Variants in PRKG1 observed in about 807,000 individuals in gnomAD.
The protein encoded by PRKG1 is protein kinase cGMP-dependent 1, also known as cGMP-dependent protein kinase 1.
A neutral mutation model predicts 88.1 loss-of-function variants in PRKG1; 35 were observed. The observed-to-expected ratio is 0.40, with a 90% CI of 0.30 to 0.53. The LOEUF (loss-of-function observed/expected upper bound fraction) is 0.53. Among genes scored for constraint, PRKG1 ranks in the 20% least tolerant of loss-of-function variants. PRKG1 has a pLI of 0.59. For missense variants in PRKG1, 540 were observed against 839.8 expected, an observed-to-expected ratio of 0.64 and a Z score of 4.41; for synonymous variants, 303 against 292.5, an observed-to-expected ratio of 1.04 and a Z score of -0.37.
chr10:51,571,570 A>G (rs1466536110), intron 3 of PRKG1, among the ~76,000 whole-genome samples: 1 of 151,910 alleles, frequency 6.6e-6, no homozygotes, highest in African/African-American at 2.4e-5. Flanking sequence ...TAAGAGAAGC[A>G]GGAAGAAGTT....
At chr10:52,122,031 C>T (rs929445905) in intron 7 of PRKG1, among the ~76,000 whole-genome samples, 6 of 152,126 alleles carry the variant, frequency 3.9e-5, no homozygotes, top group Admixed American at 3.3e-4. Context: ...ACAGAATACC[C>T]GAAGTTGGGG....
chr10:51,442,182 G>A (rs1839132958), intron 2 of PRKG1, among the ~76,000 whole-genome samples: 1 of 151,854 alleles, frequency 6.6e-6, no homozygotes, highest in South Asian at 2.1e-4. Context: ...GGAGCACCTT[G>A]TCTAAAATCA....
intron 2 of PRKG1, among the ~76,000 whole-genome samples, chr10:51,246,977 G>C (rs996830355): frequency 6.6e-6 from 1 of 152,004 alleles, no homozygotes. Context: ...CATTTCTGTG[G>C]TCTGGATTTG....
intron 3 of PRKG1, among the ~76,000 whole-genome samples, chr10:51,661,530 T>C (rs893062701): frequency 6.6e-6 from 1 of 152,130 alleles, no homozygotes; most frequent in African/African-American, 2.4e-5. Context: ...CACAATGAGA[T>C]ACCATCTCAC....
At chr10:51,474,151 C>T (rs1226969950) in intron 3 of PRKG1, among the ~76,000 whole-genome samples, 2 of 151,814 alleles carry the variant, frequency 1.3e-5, no homozygotes, top group Non-Finnish European at 2.9e-5. Context: ...TGTTGTTACC[C>T]CCATTTTATT....
chr10:51,032,465 A>C (rs1347987500), intron 1 of PRKG1, among the ~76,000 whole-genome samples: 1 of 152,114 alleles, frequency 6.6e-6, no homozygotes, highest in African/African-American at 2.4e-5. Context: ...TAATATACAA[A>C]TATTATTTTG....
intron 4 of PRKG1, among the ~76,000 whole-genome samples, chr10:51,903,471 C>T (rs1344162989): frequency 6.6e-6 from 1 of 152,058 alleles, no homozygotes; most frequent in African/African-American, 2.4e-5. Flanking sequence ...GCAACTTACT[C>T]TCAAATGTTT....
At chr10:52,293,216 A>T (rs1465356929) in intron 17 of PRKG1, among the ~76,000 whole-genome samples, 1 of 151,610 alleles carries the variant, frequency 6.6e-6, no homozygotes, top group South Asian at 2.1e-4. Flanking sequence ...GATGTGAAGG[A>T]CCTCTTCAAG....
intron 2 of PRKG1, among the ~76,000 whole-genome samples, chr10:51,394,812 C>A (rs1837533274): frequency 6.6e-6 from 1 of 152,178 alleles, no homozygotes; most frequent in Non-Finnish European, 1.5e-5. Flanking sequence ...GGGTATCAAT[C>A]AAGGGCTCAA....
intron 4 of PRKG1, among the ~76,000 whole-genome samples, chr10:51,862,019 A>G (rs1348039885): frequency 2.0e-5 from 3 of 152,156 alleles, no homozygotes; most frequent in Non-Finnish European, 4.4e-5. Flanking sequence ...GGTGGCACCC[A>G]CAAACTACCA....
intron 9 of PRKG1, among the ~76,000 whole-genome samples, chr10:52,214,467 TA>T (rs1840060432): frequency 6.6e-6 from 1 of 152,146 alleles, no homozygotes; most frequent in African/African-American, 2.4e-5. Context: ...TCCTTACCTA[TA>T]AGATGGAGGT....
chr10:51,633,481 G>A (rs1839578548), intron 3 of PRKG1, among the ~76,000 whole-genome samples: 1 of 151,992 alleles, frequency 6.6e-6, no homozygotes, highest in African/African-American at 2.4e-5. Context: ...AAGAAAACAT[G>A]ATATTCCTGG....
At chr10:51,462,154 TACA>T (rs574286525) in intron 2 of PRKG1, among the ~76,000 whole-genome samples, 330 of 152,258 alleles carry the variant, frequency 2.2e-3, no homozygotes, top group African/African-American at 7.7e-3. Flanking sequence ...TCAAACAGAT[TACA>T]GAAGGAAGGA....
At chr10:51,552,608 T>C (rs1475955433) in intron 3 of PRKG1, among the ~76,000 whole-genome samples, 2 of 151,620 alleles carry the variant, frequency 1.3e-5, no homozygotes, top group African/African-American at 4.8e-5. Context: ...ATGTAATCAA[T>C]CAACTCTCCC....
chr10:52,166,601 T>A (rs115038394), intron 9 of PRKG1, among the ~76,000 whole-genome samples: 2,637 of 149,776 alleles, frequency 0.018, 64 homozygotes, highest in African/African-American at 0.061. Flanking sequence ...GCCCGGCTAA[T>A]TTGAATATAA....
intron 5 of PRKG1, among the ~76,000 whole-genome samples, chr10:52,038,573 G>C (rs911790357): frequency 7.8e-4 from 118 of 151,748 alleles, no homozygotes; most frequent in Admixed American, 3.3e-3. Context: ...GGGGTTGAGG[G>C]GTACTTGCCC....
At chr10:51,393,110 T>C (rs867171032) in intron 2 of PRKG1, among the ~76,000 whole-genome samples, 15 of 89,826 alleles carry the variant, frequency 1.7e-4, no homozygotes, top group East Asian at 2.8e-4. Context: ...GACGGGGCGG[T>C]TGCCGGGCGG....
intron 5 of PRKG1, among the ~76,000 whole-genome samples, chr10:51,973,791 G>A (rs371020151): frequency 4.5e-4 from 68 of 152,170 alleles, no homozygotes; most frequent in African/African-American, 1.6e-3. Flanking sequence ...TAAACGGGCA[G>A]GGAGTTCAGA....
chr10:52,074,439 A>G (rs1846581970), intron 7 of PRKG1, among the ~76,000 whole-genome samples: 1 of 152,198 alleles, frequency 6.6e-6, no homozygotes, highest in East Asian at 1.9e-4. Context: ...TGAGCTACTT[A>G]TAAAAACAAT....
Sources: allele counts gnomAD v4.1 joint callset (sites outside exome capture counted in the v4.1 genomes callset), GRCh38; gene constraint gnomAD v4.1.1; transcripts MANE v1.5; gene names NCBI Gene and HGNC (gene_info 2026-07-23, HGNC 2026-07-21).